MCC: variants seen among roughly 807,000 people sequenced by gnomAD.
The protein encoded by MCC is MCC regulator of Wnt signaling pathway.
A neutral mutation model predicts 116.2 loss-of-function variants in MCC; 90 were observed. The ratio of observed to expected loss-of-function variants is 0.77; its 90% CI spans 0.65 to 0.92. The LOEUF (loss-of-function observed/expected upper bound fraction) is 0.92, where lower values mean the gene tolerates loss of function less well. Among genes scored for constraint, MCC ranks in the 40% least tolerant of loss-of-function variants. MCC has a pLI of 0.00. For missense variants in MCC, 1,516 were observed against 1,312.2 expected (o/e 1.16, Z -2.40); for synonymous variants, 578 against 510.5 (o/e 1.13, Z -1.78).
intron 3 of MCC, among the ~76,000 whole-genome samples, chr5:113,243,779 G>GACAC (rs1300463445): frequency 6.6e-6 from 1 of 152,218 alleles, no homozygotes; most frequent in Non-Finnish European, 1.5e-5. Flanking sequence ...ATGGCTCTGG[G>GACAC]ACACACCTCT....
chr5:113,081,155 T>C (rs1319046560), intron 11 of MCC, among the ~76,000 whole-genome samples: 1 of 152,198 alleles, frequency 6.6e-6, no homozygotes, highest in Admixed American at 6.5e-5. Context: ...GTAGTTAGAA[T>C]AGCAGACATC....
intron 1 of MCC, among the ~76,000 whole-genome samples, chr5:113,423,807 C>A (rs1441174472): frequency 1.3e-5 from 2 of 152,122 alleles, no homozygotes; most frequent in South Asian, 2.1e-4. Context: ...AATTTATTTT[C>A]TATAGTGGCT....
chr5:113,074,694 T>C (rs936417806), intron 11 of MCC, among the ~76,000 whole-genome samples: 1 of 152,206 alleles, frequency 6.6e-6, no homozygotes, highest in African/African-American at 2.4e-5. Context: ...AGTCCTTAAA[T>C]GACCTGAAGG....
intron 5 of MCC, among the ~76,000 whole-genome samples, chr5:113,131,844 TGGGGAGAATAGA>T (rs1004369637): frequency 3.3e-5 from 5 of 152,148 alleles, no homozygotes; most frequent in African/African-American, 1.2e-4. Flanking sequence ...TCTTTGATTC[TGGGGAGAATAGA>T]GGGGTGGGAA....
intron 3 of MCC, among the ~76,000 whole-genome samples, chr5:113,183,777 G>A (rs78087977): frequency 0.01 from 1,590 of 152,286 alleles, 24 homozygotes; most frequent in African/African-American, 0.037. Context: ...ACTAGCAGGG[G>A]CAAATGGTCA....
chr5:113,242,906 G>C (rs1201808733), intron 3 of MCC, among the ~76,000 whole-genome samples: 1 of 152,238 alleles, frequency 6.6e-6, no homozygotes, highest in African/African-American at 2.4e-5. Context: ...CTGGGTGATA[G>C]GAGCCAGTGG....
intron 6 of MCC, among the ~76,000 whole-genome samples, chr5:113,118,931 A>AC (rs1757560070): frequency 6.6e-6 from 1 of 151,898 alleles, no homozygotes; most frequent in Non-Finnish European, 1.5e-5. Context: ...ATGGGCTCCG[A>AC]CCCCACTCAG....
intron 3 of MCC, among the ~76,000 whole-genome samples, chr5:113,331,108 G>A (rs1767685912): frequency 6.6e-6 from 1 of 152,232 alleles, no homozygotes; most frequent in Non-Finnish European, 1.5e-5. Context: ...TGCAGGGCCA[G>A]CATTAACCCC....
Position 113,176,125 on chromosome 5 carries a change from A to G in MCC, c.628-24703T>C, listed in dbSNP as rs572577571. Among the ~76,000 whole-genome samples, 10 of 152,334 alleles carry G rather than the reference A, an allele frequency of 6.6e-5. 1 individual carries two copies. The highest frequency in any genetic ancestry group is 2.4e-4 in the African/African-American group (10 of 41,576). On this transcript the variant is annotated intron_variant, in intron 3 of 18. Coordinates refer to ENST00000408903, the MANE Select transcript of MCC (RefSeq NM_001085377.2). ...TATTTTCTCTACTTCCCAGCAAGGC[A>G]TTTGTTATAATGGGTAAATGGCTTT...
chr5:113,351,287 T>A (rs1313607976), intron 2 of MCC, among the ~76,000 whole-genome samples: 1 of 152,128 alleles, frequency 6.6e-6, no homozygotes, highest in Non-Finnish European at 1.5e-5. Context: ...AAGCAACTTA[T>A]GTGTTTATCA....
intron 3 of MCC, among the ~76,000 whole-genome samples, chr5:113,252,170 C>T (rs1056338950): frequency 3.9e-5 from 6 of 152,142 alleles, no homozygotes; most frequent in Non-Finnish European, 8.8e-5. Context: ...TCAAGCATGT[C>T]GGCCCTTCAT....
intron 1 of MCC, among the ~76,000 whole-genome samples, chr5:113,445,445 T>A (rs1404107907): frequency 6.6e-6 from 1 of 152,162 alleles, no homozygotes; most frequent in South Asian, 2.1e-4. Flanking sequence ...AGCATTTTTA[T>A]ACAGTAATAA....
rs777187397 is a variant in MCC, at chr5:113,025,686, C to G, written c.*1616G>C. 1.3e-5 allele frequency: 2 copies of G among 151,898 alleles called. 1 individual carries two copies. Among genetic ancestry groups the G allele is most frequent in the Non-Finnish European group, 2.9e-5 (2 of 68,030 alleles). 9.4% of individuals were successfully genotyped at this position (151,898 alleles called of 1,614,324 possible). The stretch of plus-strand genomic sequence containing the variant: ...TCATAGTGATCAAAGCACCCCAAAG[C>G]TGGTCCTTCTAGACTGATACCAGTT... On this transcript the variant is annotated 3_prime_UTR_variant, in exon 19 of 19. Coordinates refer to ENST00000408903, the MANE Select transcript of MCC (RefSeq NM_001085377.2).
chr5:113,035,091 C>T (rs568673163), intron 17 of MCC, among the ~76,000 whole-genome samples: 3 of 152,154 alleles, frequency 2.0e-5, no homozygotes, highest in South Asian at 2.1e-4. Flanking sequence ...CTGGCATCTG[C>T]GATTTCACAT....
chr5:113,164,645 A>G (rs1760677523), intron 3 of MCC, among the ~76,000 whole-genome samples: 2 of 152,260 alleles, frequency 1.3e-5, no homozygotes, highest in African/African-American at 4.8e-5. Context: ...CATTTCACAG[A>G]TAAGGAAACT....
At chr5:113,373,585 T>C (rs17135581) in intron 2 of MCC, among the ~76,000 whole-genome samples, 41,157 of 152,054 alleles carry the variant, frequency 0.27, 7,524 homozygotes, top group African/African-American at 0.52. Context: ...AGTTTCCTCT[T>C]TCATTCCCTT....
intron 5 of MCC, among the ~76,000 whole-genome samples, chr5:113,140,087 G>A (rs1190745077): frequency 6.6e-6 from 1 of 152,182 alleles, no homozygotes; most frequent in Non-Finnish European, 1.5e-5. Flanking sequence ...TTTATTAAAT[G>A]TAAATTAATG....
At chr5:113,440,622 A>T (rs1771009028) in intron 1 of MCC, among the ~76,000 whole-genome samples, 1 of 152,102 alleles carries the variant, frequency 6.6e-6, no homozygotes, top group Admixed American at 6.6e-5. Context: ...AGGAGGAGAG[A>T]GAAGAGGGAA....
intron 6 of MCC, among the ~76,000 whole-genome samples, chr5:113,113,730 T>C (rs1222028745): frequency 6.7e-6 from 1 of 149,968 alleles, no homozygotes; most frequent in Non-Finnish European, 1.5e-5. Flanking sequence ...CATTCTATGA[T>C]ACCACTAACC....
Sources: gnomAD v4.1 joint callset for allele counts (sites outside exome capture counted in the v4.1 genomes callset) on GRCh38, gnomAD v4.1.1 for gene constraint, MANE v1.5 for transcripts, NCBI Gene and HGNC (gene_info 2026-07-23, HGNC 2026-07-21) for gene names.